MACROD2: variants seen among roughly 807,000 people sequenced by gnomAD.
MACROD2 encodes the protein ADP-ribose glycohydrolase MACROD2.
A neutral mutation model predicts 70.4 loss-of-function variants in MACROD2; 36 were observed. The observed-to-expected ratio is 0.51, with a 90% CI of 0.39 to 0.68. The LOEUF (loss-of-function observed/expected upper bound fraction) is 0.68. MACROD2 is among the 30% of genes least tolerant of loss of function. The pLI is 0.00. For synonymous variants in MACROD2, 172 were observed against 178.8 expected, an observed-to-expected ratio of 0.96 and a Z score of 0.30; for missense variants, 496 against 538.4, an observed-to-expected ratio of 0.92 and a Z score of 0.78.
At chr20:14,066,216 T>A (rs1336254103) in intron 2 of MACROD2, among the ~76,000 whole-genome samples, 1 of 152,240 alleles carries the variant, frequency 6.6e-6, no homozygotes, top group Non-Finnish European at 1.5e-5. Context: ...TTATTTGTGC[T>A]TTATTATGTG....
intron 3 of MACROD2, among the ~76,000 whole-genome samples, chr20:14,175,790 A>G (rs1269257475): frequency 1.3e-5 from 2 of 152,208 alleles, no homozygotes; most frequent in African/African-American, 4.8e-5. Flanking sequence ...GAGCAAGCAG[A>G]TATTGGGTGA....
chr20:15,872,805 A>G (rs2147184244), intron 9 of MACROD2, among the ~76,000 whole-genome samples: 1 of 152,316 alleles, frequency 6.6e-6, no homozygotes, highest in East Asian at 1.9e-4. Context: ...CTGTCCTATA[A>G]TCTGGAGATG....
intron 4 of MACROD2, among the ~76,000 whole-genome samples, chr20:14,627,711 C>T (rs113489020): frequency 3.9e-5 from 6 of 152,212 alleles, no homozygotes; most frequent in African/African-American, 1.2e-4. Context: ...CCAAGCACCC[C>T]CTTTGTGTGT....
At chr20:14,400,620 C>T (rs891650931) in intron 3 of MACROD2, among the ~76,000 whole-genome samples, 27 of 152,092 alleles carry the variant, frequency 1.8e-4, no homozygotes, top group Non-Finnish European at 2.9e-5. Context: ...CTCCGTTCCT[C>T]CTCCCTACAC....
At chr20:14,229,001 A>AG (rs1382321402) in intron 3 of MACROD2, among the ~76,000 whole-genome samples, 220 of 151,832 alleles carry the variant, frequency 1.4e-3, no homozygotes, top group Non-Finnish European at 2.6e-3. Context: ...CAAAAAAAAA[A>AG]AAAAGAAAAG....
At position 15,615,103 on chromosome 20, in the gene MACROD2, G is replaced by A. The variant is rs144293723; in HGVS notation, c.645+115256G>A. 2.1e-3 allele frequency among the ~76,000 whole-genome samples: 323 copies of A among 152,222 alleles called. 1 individual carries two copies. Among genetic ancestry groups the A allele is most frequent in the Middle Eastern group, 3.4e-3 (1 of 294 alleles). On this transcript the variant is annotated intron_variant, in intron 8 of 17. Coordinates refer to ENST00000684519, the MANE Select transcript of MACROD2 (RefSeq NM_001351661.2). ...TCCCGAAAGGGTAGCCAAGGTGAAG[G>A]CCTCGTGGTTCTGAGGAGACGACAG...
chr20:16,018,317 CT>C (rs201986521), intron 15 of MACROD2, among the ~76,000 whole-genome samples: 34 of 150,456 alleles, frequency 2.3e-4, no homozygotes, highest in Non-Finnish European at 2.5e-4. Flanking sequence ...TTTACAAGGC[CT>C]TTTTTTTTCA....
At chr20:15,304,800 A>G (rs564250903) in intron 6 of MACROD2, among the ~76,000 whole-genome samples, 1 of 152,306 alleles carries the variant, frequency 6.6e-6, no homozygotes, top group East Asian at 1.9e-4. Flanking sequence ...ATCCCAGCCA[A>G]TGGGGAAAGG....
At chr20:14,436,057 A>G (rs1355087064) in intron 3 of MACROD2, among the ~76,000 whole-genome samples, 66 of 152,210 alleles carry the variant, frequency 4.3e-4, no homozygotes, top group Admixed American at 4.3e-3. Context: ...ACAATTTTAT[A>G]AAAGCCAGAA....
intron 5 of MACROD2, among the ~76,000 whole-genome samples, chr20:14,962,711 CT>C (rs975648017): frequency 1.6e-4 from 24 of 151,466 alleles, no homozygotes; most frequent in Non-Finnish European, 2.5e-4. Flanking sequence ...TTATTCTCTT[CT>C]TTTTTTTCTT....
At chr20:15,260,913 T>G (rs893080818) in intron 6 of MACROD2, among the ~76,000 whole-genome samples, 5 of 152,066 alleles carry the variant, frequency 3.3e-5, no homozygotes, top group Non-Finnish European at 7.4e-5. Flanking sequence ...TTTATTAATT[T>G]AAAATCTCTT....
chr20:15,505,589 C>T (rs1203240897), intron 8 of MACROD2, among the ~76,000 whole-genome samples: 5 of 152,120 alleles, frequency 3.3e-5, no homozygotes, highest in Non-Finnish European at 7.3e-5. Flanking sequence ...GACTCCTTCC[C>T]GCTGCACTAC....
intron 3 of MACROD2, among the ~76,000 whole-genome samples, chr20:14,174,913 A>G (rs928009020): frequency 1.3e-5 from 2 of 152,162 alleles, no homozygotes; most frequent in Non-Finnish European, 2.9e-5. Context: ...TCTCAGCTCC[A>G]GGTAAGGTCA....
At chr20:14,536,368 A>G (rs2085363610) in intron 4 of MACROD2, among the ~76,000 whole-genome samples, 1 of 152,194 alleles carries the variant, frequency 6.6e-6, no homozygotes, top group African/African-American at 2.4e-5. Context: ...TAGCCTGAAT[A>G]GAAGAGAAAT....
At chr20:15,239,789 C>T (rs1373650000) in intron 6 of MACROD2, among the ~76,000 whole-genome samples, 1 of 152,194 alleles carries the variant, frequency 6.6e-6, no homozygotes, top group Non-Finnish European at 1.5e-5. Context: ...CACACTTAGA[C>T]TAGGTGACAA....
At chr20:14,582,059 TTTTACA>T (rs3044720) in intron 4 of MACROD2, among the ~76,000 whole-genome samples, 96,749 of 151,074 alleles carry the variant, frequency 0.64, 32,492 homozygotes, top group East Asian at 0.93. Flanking sequence ...CCCCTTCCTG[TTTTACA>T]TTTACACTTC....
intron 5 of MACROD2, among the ~76,000 whole-genome samples, chr20:14,985,369 G>A (rs573059797): frequency 6.6e-6 from 1 of 152,290 alleles, no homozygotes; most frequent in South Asian, 2.1e-4. Flanking sequence ...GTGTGTACAG[G>A]AAGGAAGTTC....
At chr20:15,382,151 C>T (rs1460365653) in intron 6 of MACROD2, among the ~76,000 whole-genome samples, 1 of 152,000 alleles carries the variant, frequency 6.6e-6, no homozygotes, top group East Asian at 1.9e-4. Context: ...CACAAGTTGA[C>T]GAGCAGGAGG....
At chr20:15,822,844 G>C (rs1218913277) in intron 8 of MACROD2, among the ~76,000 whole-genome samples, 1 of 152,148 alleles carries the variant, frequency 6.6e-6, no homozygotes, top group Non-Finnish European at 1.5e-5. Flanking sequence ...GCAGATAAGG[G>C]AGGAAGAGGT....
Sources: gnomAD v4.1 joint callset for allele counts (sites outside exome capture counted in the v4.1 genomes callset) on GRCh38, gnomAD v4.1.1 for gene constraint, MANE v1.5 for transcripts, NCBI Gene and HGNC (gene_info 2026-07-23, HGNC 2026-07-21) for gene names.